The following AFF2 variants were observed in gnomAD, a reference collection of about 807,000 sequenced individuals.
The protein encoded by AFF2 is AF4/FMR2 family member 2.
AFF2 carries 14 observed loss-of-function variants against 76.9 expected under a neutral mutation model. That is an observed-to-expected ratio of 0.18 (90% CI 0.12 to 0.28). The LOEUF is 0.28. Among genes scored for constraint, AFF2 ranks in the 10% least tolerant of loss-of-function variants. The pLI, the probability that AFF2 is intolerant of heterozygous loss-of-function variation, is 1.00. For synonymous variants in AFF2, 398 were observed against 366.7 expected (o/e 1.09, Z -0.98); for missense variants, 868 against 1,001.1 (o/e 0.87, Z 1.79).
At chrX:148,970,244 T>A (rs782758687) in intron 15 of AFF2, among the ~76,000 whole-genome samples, 3 of 112,060 alleles carry the variant, frequency 2.7e-5, no homozygotes, top group Non-Finnish European at 5.6e-5. Flanking sequence ...ACCACAGAAT[T>A]CCTGCAGCTC....
At chrX:148,771,783 TC>T (rs1448151069) in intron 3 of AFF2, among the ~76,000 whole-genome samples, 8 of 112,023 alleles carry the variant, frequency 7.1e-5, no homozygotes, top group African/African-American at 2.6e-4. Flanking sequence ...CCTAAATGAT[TC>T]TTTGCTGATT....
chrX:148,589,183 C>T (rs1429829584), intron 1 of AFF2, among the ~76,000 whole-genome samples: 1 of 111,058 alleles, frequency 9.0e-6, no homozygotes, highest in African/African-American at 3.3e-5. Flanking sequence ...TTTGTTGCCA[C>T]TGATGCCACG....
At position 148,996,196 on chromosome X, in the gene AFF2, G is replaced by A. The variant is rs782301621; in HGVS notation, c.*4864G>A. 3 of 112,413 alleles carry A rather than the reference G, an allele frequency of 2.7e-5. No individual in the cohort carries two copies. The South Asian group carries it at 1.1e-3, about 42-fold the overall frequency. The allele number at this position is 112,413 out of a possible 1,213,427, so 9.3% of individuals were successfully genotyped here. A position where few individuals can be genotyped will look rare whatever the true frequency, so the allele number is the denominator to read the frequency against. On this transcript the variant is annotated 3_prime_UTR_variant, in exon 21 of 21. Coordinates refer to ENST00000370460, the MANE Select transcript of AFF2 (RefSeq NM_002025.4). Reference sequence around the variant, plus strand: ...TGAAATTGGGAGGAAGGAGACCCTGGACAGTAAGCAAAATTGGAGACACTC... The same window carrying A: ...TGAAATTGGGAGGAAGGAGACCCTGAACAGTAAGCAAAATTGGAGACACTC...
chrX:148,619,993 A>G (rs1161867679), intron 1 of AFF2, among the ~76,000 whole-genome samples: 2 of 111,898 alleles, frequency 1.8e-5, no homozygotes, highest in African/African-American at 6.5e-5. Context: ...AGTAATTGCC[A>G]CCCCAATGTG....
intron 3 of AFF2, among the ~76,000 whole-genome samples, chrX:148,711,988 G>A (rs6654983): frequency 0.026 from 2,845 of 111,422 alleles, 89 homozygotes; most frequent in African/African-American, 0.086. Context: ...TTTTGTAGTG[G>A]TGGTGGTGGT....
intron 9 of AFF2, among the ~76,000 whole-genome samples, chrX:148,920,679 G>A (rs2124262742): frequency 9.1e-6 from 1 of 109,619 alleles, no homozygotes; most frequent in South Asian, 3.9e-4. Flanking sequence ...AATAAGTATG[G>A]GAAATTCTGA....
At chrX:148,867,361 C>G (rs1039824849) in intron 7 of AFF2, among the ~76,000 whole-genome samples, 24 of 112,137 alleles carry the variant, frequency 2.1e-4, no homozygotes, top group African/African-American at 7.5e-4. Context: ...ATAGCTAGAG[C>G]ATCTGTGCAC....
chrX:148,679,224 C>T (rs2054520482), intron 3 of AFF2, among the ~76,000 whole-genome samples: 1 of 103,115 alleles, frequency 9.7e-6, no homozygotes, highest in Admixed American at 1.1e-4. Context: ...CAAAACCATA[C>T]TAGATGACTG....
chrX:148,927,274 T>C (rs1198937067), intron 9 of AFF2, among the ~76,000 whole-genome samples: 1 of 112,072 alleles, frequency 8.9e-6, no homozygotes, highest in Non-Finnish European at 1.9e-5. Flanking sequence ...GCAGAGAATA[T>C]GTGTTGGCAG....
At chrX:148,837,032 G>A (rs1363663002) in intron 4 of AFF2, among the ~76,000 whole-genome samples, 1 of 111,929 alleles carries the variant, frequency 8.9e-6, no homozygotes, top group South Asian at 3.7e-4. Flanking sequence ...CTGTTGGGCT[G>A]TATCAAGAGA....
At chrX:148,703,276 G>A (rs910619225) in intron 3 of AFF2, among the ~76,000 whole-genome samples, 15 of 111,452 alleles carry the variant, frequency 1.3e-4, no homozygotes, top group African/African-American at 3.6e-4. Context: ...TACAGGGCCC[G>A]GAAGACAAAG....
intron 1 of AFF2, among the ~76,000 whole-genome samples, chrX:148,529,733 C>T (rs2052708071): frequency 8.9e-6 from 1 of 111,972 alleles, no homozygotes; most frequent in Non-Finnish European, 1.9e-5. Context: ...GCACCCTCAT[C>T]ACCAGCTTTC....
At chrX:148,934,273 G>C (rs1231655990) in intron 9 of AFF2, among the ~76,000 whole-genome samples, 1 of 112,165 alleles carries the variant, frequency 8.9e-6, no homozygotes, top group Middle Eastern at 4.2e-3. Context: ...GGCCATAACC[G>C]ATCTTATCCA....
intron 3 of AFF2, among the ~76,000 whole-genome samples, chrX:148,722,116 A>G (rs2055100179): frequency 9.0e-6 from 1 of 111,475 alleles, no homozygotes; most frequent in African/African-American, 3.3e-5. Flanking sequence ...GTGTCTGTTA[A>G]GGTCTTATAG....
At position 148,713,268 on chromosome X, in the gene AFF2, C is replaced by T. The variant is rs188380785; in HGVS notation, c.1041+50500C>T. 3.2e-3 allele frequency among the ~76,000 whole-genome samples: 359 copies of T among 111,272 alleles called. 3 individuals are homozygous for T. The highest frequency in any genetic ancestry group is 0.011 in the African/African-American group (349 of 30,627). On this transcript the variant is annotated intron_variant, in intron 3 of 20. Transcript: ENST00000370460. ...GCATCTTGCAGACCATTTATAAGGG[C>T]CATGGATTTTACTCTAAGTGAGATG...
chrX:148,970,508 G>C (rs1413047768), intron 15 of AFF2, among the ~76,000 whole-genome samples: 1 of 111,661 alleles, frequency 9.0e-6, no homozygotes, highest in Non-Finnish European at 1.9e-5. Context: ...CTTACATCCT[G>C]CTATCAAAAA....
chrX:148,901,048 C>G (rs1557280830), intron 8 of AFF2, among the ~76,000 whole-genome samples: 1 of 112,115 alleles, frequency 8.9e-6, no homozygotes, highest in Non-Finnish European at 1.9e-5. Context: ...GCTTCCAGAG[C>G]ACTGTTGTCA....
At chrX:148,648,452 C>G (rs965386813) in intron 1 of AFF2, among the ~76,000 whole-genome samples, 3 of 105,029 alleles carry the variant, frequency 2.9e-5, no homozygotes, top group Admixed American at 1.0e-4. Flanking sequence ...ATCCCAGCTA[C>G]TTGGGAGGCT....
chrX:148,513,896 G>A (rs1052601198), intron 1 of AFF2, among the ~76,000 whole-genome samples: 2 of 110,768 alleles, frequency 1.8e-5, no homozygotes, highest in Non-Finnish European at 3.8e-5. Context: ...TAAATGATAC[G>A]CGAGTCAGGA....
Sources: allele counts gnomAD v4.1 joint callset (sites outside exome capture counted in the v4.1 genomes callset), GRCh38; gene constraint gnomAD v4.1.1; transcripts MANE v1.5; gene names NCBI Gene and HGNC (gene_info 2026-07-23, HGNC 2026-07-21).